The following GADL1 variants were observed in gnomAD, a reference collection of about 807,000 sequenced individuals.
The protein encoded by GADL1 is GAD like acidic amino acid decarboxylase 1.
Under a neutral mutation model 69.5 loss-of-function variants are expected in GADL1, and 71 were observed. That is an observed-to-expected ratio of 1.02 (90% CI 0.84 to 1.25). The LOEUF (loss-of-function observed/expected upper bound fraction) is 1.25. Among genes scored for constraint, GADL1 ranks in the 50% most tolerant of loss-of-function variants. GADL1 has a pLI of 0.00. For synonymous variants in GADL1, 254 were observed against 214.4 expected (o/e 1.18, Z -1.62); for missense variants, 737 against 631.8 (o/e 1.17, Z -1.79).
At chr3:30,749,335 C>G (rs1695763642) in intron 14 of GADL1, among the ~76,000 whole-genome samples, 1 of 152,198 alleles carries the variant, frequency 6.6e-6, no homozygotes, top group Non-Finnish European at 1.5e-5. Context: ...ACAGTGACCT[C>G]CCATTACACT....
chr3:30,731,339 A>G (rs1250213164), intron 14 of GADL1, among the ~76,000 whole-genome samples: 1 of 152,190 alleles, frequency 6.6e-6, no homozygotes, highest in African/African-American at 2.4e-5. Context: ...ATTCCTGTTT[A>G]CTTTTCAATA....
chr3:30,799,028 A>G (rs947113983), intron 12 of GADL1: 5 of 152,236 alleles, frequency 3.3e-5, no homozygotes, highest in African/African-American at 1.2e-4. Context: ...TATAGCCCCC[A>G]TCATGGCTGC....
rs144598535 is a variant in GADL1, at chr3:30,859,538, A to G, written c.210+2055T>C. Among the ~76,000 whole-genome samples the G allele has an allele frequency of 1.2e-4, 19 of 152,094 alleles. No homozygotes were observed. In the East Asian group the frequency reaches 3.5e-3, roughly 28 times the overall value. On this transcript the variant is annotated intron_variant, in intron 2 of 14. Coordinates refer to ENST00000282538, the MANE Select transcript of GADL1 (RefSeq NM_207359.3). Reference sequence around the variant, plus strand: ...GGGAGGATTGATTAGAGAGGGGCACAGAATAGTTATATAACTATTCTAATG... The same window carrying G: ...GGGAGGATTGATTAGAGAGGGGCACGGAATAGTTATATAACTATTCTAATG...
At chr3:30,772,635 G>A (rs199770800) in intron 14 of GADL1, among the ~76,000 whole-genome samples, 3 of 152,128 alleles carry the variant, frequency 2.0e-5, no homozygotes. Context: ...CAAGCACTTT[G>A]GGGGGCTGAG....
At chr3:30,753,660 T>TAG (rs1468395976) in intron 14 of GADL1, among the ~76,000 whole-genome samples, 1 of 152,174 alleles carries the variant, frequency 6.6e-6, no homozygotes, top group Non-Finnish European at 1.5e-5. Flanking sequence ...GGATGTGGCT[T>TAG]AGAGAATCCC....
chr3:30,789,847 G>A (rs1173749740), intron 12 of GADL1, among the ~76,000 whole-genome samples: 1 of 152,146 alleles, frequency 6.6e-6, no homozygotes, highest in East Asian at 1.9e-4. Flanking sequence ...AGAAAGTTAG[G>A]GTCTTGCTCT....
At chr3:30,773,227 AATAC>A (rs1227668202) in intron 14 of GADL1, among the ~76,000 whole-genome samples, 1 of 152,242 alleles carries the variant, frequency 6.6e-6, no homozygotes, top group Non-Finnish European at 1.5e-5. Context: ...TTTCTAAGGT[AATAC>A]ATGTAGATAA....
chr3:30,775,979 G>A (rs953388543), intron 14 of GADL1, among the ~76,000 whole-genome samples: 13 of 152,112 alleles, frequency 8.5e-5, no homozygotes, highest in African/African-American at 3.1e-4. Context: ...CAGCTACTCG[G>A]GAGACTAGGG....
At chr3:30,846,217 A>T (rs952086061) in intron 6 of GADL1, among the ~76,000 whole-genome samples, 1 of 152,214 alleles carries the variant, frequency 6.6e-6, no homozygotes, top group African/African-American at 2.4e-5. Context: ...CAGAAGTAAC[A>T]ACTGCATTTA....
chr3:30,817,986 G>A (rs980212294), intron 11 of GADL1, among the ~76,000 whole-genome samples: 36 of 152,194 alleles, frequency 2.4e-4, no homozygotes, highest in African/African-American at 8.7e-4. Context: ...TTAGTTTCTG[G>A]ACTACATTTA....
intron 3 of GADL1, 107 bp from the exon 4 acceptor site, chr3:30,854,896 A>G (rs1698203965): frequency 1.5e-6 from 1 of 650,046 alleles, no homozygotes; most frequent in Non-Finnish European, 2.7e-6. Flanking sequence ...AGACACACAC[A>G]GAAGAGTTAT....
intron 1 of GADL1, among the ~76,000 whole-genome samples, chr3:30,887,060 C>T (rs749826339): frequency 6.6e-6 from 1 of 152,178 alleles, no homozygotes; most frequent in African/African-American, 2.4e-5. Context: ...GGGCAGCATG[C>T]CCAAAGACAT....
At chr3:30,756,681 T>C (rs908460133) in intron 14 of GADL1, among the ~76,000 whole-genome samples, 3 of 152,170 alleles carry the variant, frequency 2.0e-5, no homozygotes, top group East Asian at 1.9e-4. Flanking sequence ...ATTAGCCTGA[T>C]TGGGAAGTAG....
At chr3:30,787,538 G>T (rs1039467182) in intron 12 of GADL1, among the ~76,000 whole-genome samples, 1 of 152,098 alleles carries the variant, frequency 6.6e-6, no homozygotes, top group Non-Finnish European at 1.5e-5. Context: ...AAATAATAGA[G>T]ACGCTGACAG....
intron 14 of GADL1, among the ~76,000 whole-genome samples, chr3:30,753,641 T>C (rs996031497): frequency 6.7e-6 from 1 of 149,776 alleles, no homozygotes; most frequent in Admixed American, 6.6e-5. Flanking sequence ...TCACTCTTGT[T>C]TACTTGCGGG....
chr3:30,818,979 C>T (rs1327567169), intron 11 of GADL1, among the ~76,000 whole-genome samples: 5 of 152,054 alleles, frequency 3.3e-5, no homozygotes, highest in Non-Finnish European at 7.4e-5. Context: ...TTGGATGATC[C>T]TCCATACCAG....
intron 1 of GADL1, among the ~76,000 whole-genome samples, chr3:30,862,763 T>C (rs1698340526): frequency 6.6e-6 from 1 of 152,026 alleles, no homozygotes; most frequent in Middle Eastern, 3.2e-3. Flanking sequence ...TGCTTCCTTC[T>C]TGAACTAGCA....
rs1409123115 is a variant in GADL1 at position 30,863,049 on chromosome 3, ACACACT to A, written c.38-1290_38-1285del. ...GTTTCACACACACACACACACACAC[ACACACT>A]CTCTCTCACACTCACACACTCACTC... is the stretch of plus-strand genomic sequence containing the variant. On this transcript the variant is annotated intron_variant, in intron 1 of 14. Transcript: ENST00000282538. Among the ~76,000 whole-genome samples, 75 of 149,534 alleles carry A rather than the reference ACACACT, an allele frequency of 5.0e-4. No homozygotes were observed. The South Asian group carries it at 6.7e-3, about 13-fold the overall frequency.
chr3:30,764,225 A>ATAGTT (rs58171303), intron 14 of GADL1, among the ~76,000 whole-genome samples: 15 of 152,056 alleles, frequency 9.9e-5, no homozygotes, highest in Admixed American at 2.6e-4. Flanking sequence ...AATTCTCTTA[A>ATAGTT]GAGATTTTTA....
Sources: allele counts gnomAD v4.1 joint callset (sites outside exome capture counted in the v4.1 genomes callset), GRCh38; gene constraint gnomAD v4.1.1; transcripts MANE v1.5; gene names NCBI Gene and HGNC (gene_info 2026-07-23, HGNC 2026-07-21).